The following CARD10 variants were observed in gnomAD, a reference collection of about 807,000 sequenced individuals.
The protein encoded by CARD10 is caspase recruitment domain family member 10, also known as caspase recruitment domain-containing protein 10.
Under a neutral mutation model 114.6 loss-of-function variants are expected in CARD10, and 49 were observed. The observed-to-expected ratio is 0.43, with a 90% CI of 0.34 to 0.54. The LOEUF is 0.54. Among genes scored for constraint, CARD10 ranks in the 20% least tolerant of loss-of-function variants. The pLI is 0.03. For missense variants in CARD10, 1,206 were observed against 1,397.2 expected, an observed-to-expected ratio of 0.86 and a Z score of 2.18; for synonymous variants, 602 against 593.2, an observed-to-expected ratio of 1.01 and a Z score of -0.21.
In CARD10 at chr22:37,519,349, C is replaced by G; in HGVS notation, c.-149G>C. 1.6e-6 allele frequency: 2 copies of G among 1,244,800 alleles called. No individual in the cohort carries two copies. Among genetic ancestry groups the G allele is most frequent in the Non-Finnish European group, 2.0e-6 (2 of 995,240 alleles). 77.1% of individuals were successfully genotyped at this position (1,244,800 alleles called of 1,614,324 possible). ...CGAGCTCCCCGCGACTCACCCCGCA[C>G]GCTACAGTCGCCTCGGGCTCCCGGG... On this transcript the variant is annotated 5_prime_UTR_variant, in exon 1 of 20. Transcript: ENST00000251973. The surrounding 1 kb of genome is among the most constrained non-coding windows in gnomAD (Gnocchi z 4.1).
chr22:37,502,655 C>T lies in CARD10; in HGVS notation c.1734G>A (p.Leu578=), dbSNP rs1462313356. ...SSSSSDSVWP[L]GKPEGLLARG... is the part of the protein sequence containing the mutation. Reference sequence around the variant, plus strand: ...GAGCCAGGAGGCCTTCCGGCTTTCCCAAAGGCCACACGCTGTCAGAGGATG... The same window carrying T: ...GAGCCAGGAGGCCTTCCGGCTTTCCTAAAGGCCACACGCTGTCAGAGGATG... Residue 578 remains leucine, a synonymous_variant, in exon 11 of 20, where the codon TTG becomes TTA. Transcript: ENST00000251973. 1 of 1,613,978 alleles carries T rather than the reference C, an allele frequency of 6.2e-7. No homozygotes were observed. The highest frequency in any genetic ancestry group is 1.3e-5 in the African/African-American group (1 of 75,060).
In CARD10 at chr22:37,492,623, C is replaced by G. The variant is rs766558007; in HGVS notation, c.2635+21G>C. 26 of 1,611,080 alleles carry G rather than the reference C, an allele frequency of 1.6e-5. No individual in the cohort carries two copies. Among genetic ancestry groups the G allele is most frequent in the Non-Finnish European group, 2.0e-5 (24 of 1,178,808 alleles). On this transcript the variant is annotated intron_variant, in intron 17 of 19. Transcript: ENST00000251973. The surrounding 1 kb of genome is among the most constrained non-coding windows in gnomAD (Gnocchi z 5.7). The stretch of plus-strand genomic sequence containing the variant: ...TGCCCAGAGGGGCACCCAGCCTCCC[C>G]TCCCCGGCACATAGTCTCACCCGCT...
rs762865611 is a variant in CARD10, at chr22:37,492,711, C to T, written c.2568G>A (p.Ala856=). ...CTAGCAGGTTACGGATGAGCCGGGGCGCCAGGCACTCAGGCAACAGCACCA... is the reference window on the plus strand; with the variant it reads ...CTAGCAGGTTACGGATGAGCCGGGGTGCCAGGCACTCAGGCAACAGCACCA... The part of the protein sequence containing the change: ...RPVVLLPECL[A]PRLIRNLLDL... The change falls in exon 17 of 20, where the codon GCG becomes GCA. Residue 856 remains alanine, a synonymous_variant. Coordinates refer to ENST00000251973, the MANE Select transcript of CARD10 (RefSeq NM_014550.4). This position sits in a 1 kb window ranked among gnomAD's most constrained non-coding sequence, Gnocchi z 5.7. The T allele has an allele frequency of 2.5e-5, 40 of 1,612,920 alleles. No homozygotes were observed. In the South Asian group the frequency reaches 3.3e-4, roughly 13 times the overall value.
In CARD10 at chr22:37,495,540, G is replaced by C; in HGVS notation, c.2350C>G (p.Arg784Gly). 6.2e-7 allele frequency: 1 copy of C among 1,612,792 alleles called. No homozygotes were observed. Among genetic ancestry groups the C allele is most frequent in the Non-Finnish European group, 8.5e-7 (1 of 1,179,688 alleles). The change falls in exon 15 of 20, where the codon CGG becomes GGG. Residue 784 changes from arginine to glycine, a missense_variant. Transcript: ENST00000251973. The stretch of plus-strand genomic sequence containing the variant: ...ACATTACTGCGGGGGCCTCGGTGCC[G>C]GCTGGAGGGCAGGCATTTCTCCTGA... ...EVQEKCLPSS[R>G]HRGPRSNLKK...
rs757048654 is a variant in CARD10, at chr22:37,519,125, C to A, written c.76G>T (p.Ala26Ser). 3 of 1,568,768 alleles carry A rather than the reference C, an allele frequency of 1.9e-6. No homozygotes were observed. The highest frequency in any genetic ancestry group is 2.6e-6 in the Non-Finnish European group (3 of 1,164,764). ...AGSGSEAEED[A>S]LWERIEGVRH... Reference sequence around the variant, plus strand: ...ACGCCCTCGATTCGCTCCCACAGCGCGTCCTCCTCCGCCTCAGACCCCGAG... The same window carrying A: ...ACGCCCTCGATTCGCTCCCACAGCGAGTCCTCCTCCGCCTCAGACCCCGAG... Residue 26 changes from alanine (A) to serine (S), a missense_variant, in exon 1 of 20, where the codon GCG (alanine) becomes TCG (serine). Physicochemically the swap from Ala to Ser is moderately conservative, Grantham distance 99. Around this residue, in one of 2 missense-constraint regions of CARD10, gnomAD observed 138 missense variants for 218.0 expected, o/e 0.63. Coordinates refer to ENST00000251973, the MANE Select transcript of CARD10 (RefSeq NM_014550.4). This position sits in a 1 kb window ranked among gnomAD's most constrained non-coding sequence, Gnocchi z 4.1.
chr22:37,493,215 C>T (rs553761712), intron 16 of CARD10, among the ~76,000 whole-genome samples: 3 of 152,292 alleles, frequency 2.0e-5, no homozygotes, highest in South Asian at 2.1e-4. Flanking sequence ...CCTTCAGCTG[C>T]GTCCAACCAC....
rs1569167365 is a variant in CARD10, at chr22:37,512,468, CACACA to C, written c.700-2052_700-2048del. ...GGTTAGAATGGCAGCCCCCCCTCCA[CACACA>C]CACACACACACACACACACACACAC... On this transcript the variant is annotated intron_variant, in intron 3 of 19. Coordinates refer to ENST00000251973, the MANE Select transcript of CARD10 (RefSeq NM_014550.4). Among the ~76,000 whole-genome samples, 24 of 45,358 alleles carry C rather than the reference CACACA, an allele frequency of 5.3e-4. No homozygotes were observed. In the African/African-American group the frequency reaches 7.3e-3, roughly 14 times the overall value. The allele number at this position is 45,358 out of a possible 152,430, so 29.8% of individuals were successfully genotyped here. A position where few individuals can be genotyped will look rare whatever the true frequency, so the allele number is the denominator to read the frequency against.
rs765953882 is a variant in CARD10, at chr22:37,497,143, G to C, written c.1823C>G (p.Pro608Arg). ...LAIRVSGRSP[P>R]GGPEPQDKGP... is the part of the protein sequence containing the mutation. ...CTTGTCCTGCGGCTCTGGGCCCCCT[G>C]GGGGGCTCCGGCCAGACACCCGAAT... Residue 608 changes from proline to arginine, a missense_variant, in exon 12 of 20, where the codon CCA (proline) becomes CGA (arginine). By Grantham distance (103) the Pro-to-Arg change is moderately radical. Transcript: ENST00000251973. The C allele has an allele frequency of 3.7e-6, 6 of 1,613,992 alleles. No individual in the cohort carries two copies. The highest frequency in any genetic ancestry group is 2.2e-5 in the South Asian group (2 of 91,068).
Position 37,491,295 on chromosome 22 carries a change from T to C in CARD10, c.2963A>G (p.Gln988Arg). 1 of 1,568,582 alleles carries C rather than the reference T, an allele frequency of 6.4e-7. No homozygotes were observed. The highest frequency in any genetic ancestry group is 8.6e-7 in the Non-Finnish European group (1 of 1,163,314). Residue 988 changes from glutamine to arginine, a missense_variant, in exon 20 of 20, where the codon CAG becomes CGG. Around this residue, in one of 2 missense-constraint regions of CARD10, gnomAD observed 1,068 missense variants for 1,179.1 expected, o/e 0.91. Coordinates refer to ENST00000251973, the MANE Select transcript of CARD10 (RefSeq NM_014550.4). The stretch of plus-strand genomic sequence containing the variant: ...GTGTCCCCACTCATGGGCGGGCACC[T>C]GCACCCAGGAGCAGGGCAGCCCCCA... Reference protein sequence around the residue: ...VLWGLPCSWVQVPAHEWGHAE... With the variant: ...VLWGLPCSWVRVPAHEWGHAE...
Position 37,504,312 on chromosome 22 carries a change from A to AT in CARD10, c.1519-12dup, listed in dbSNP as rs752885787. 1.5e-5 allele frequency: 23 copies of AT among 1,504,776 alleles called. No homozygotes were observed. The East Asian group carries it at 3.2e-4, about 21-fold the overall frequency. 93.2% of individuals were successfully genotyped at this position (1,504,776 alleles called of 1,614,324 possible). On this transcript the variant is annotated splice_polypyrimidine_tract_variant and intron_variant, in intron 8 of 19. Coordinates refer to ENST00000251973, the MANE Select transcript of CARD10 (RefSeq NM_014550.4). ...GTCTGTGGCTTCCTCCTGCAATGCC[A>AT]TGACAGGGCCTGGGTCACCCCCACT... is the stretch of plus-strand genomic sequence containing the variant.
At chr22:37,509,432 G>A (rs1384842811) in intron 4 of CARD10, among the ~76,000 whole-genome samples, 1 of 152,110 alleles carries the variant, frequency 6.6e-6, no homozygotes, top group African/African-American at 2.4e-5. Context: ...ACAGCCACGT[G>A]CTAAGGGCCC....
Position 37,501,270 on chromosome 22 carries a change from G to A in CARD10, c.1787+1332C>T, listed in dbSNP as rs975855086. On this transcript the variant is annotated intron_variant, in intron 11 of 19. Transcript: ENST00000251973. This position sits in a 1 kb window ranked among gnomAD's most constrained non-coding sequence, Gnocchi z 5.4. ...GTGGCCCCATGTGATCGTGGGGCCT[G>A]GGCGGGGCTGGGACGGAGGCTCCTG... 2.0e-5 allele frequency among the ~76,000 whole-genome samples: 3 copies of A among 152,124 alleles called. No individual in the cohort carries two copies. Among genetic ancestry groups the A allele is most frequent in the African/African-American group, 7.2e-5 (3 of 41,418 alleles).
Position 37,496,239 on chromosome 22 carries a change from C to T in CARD10, c.2059+210G>A, listed in dbSNP as rs1227900214. 6.6e-6 allele frequency among the ~76,000 whole-genome samples: 1 copy of T among 152,180 alleles called. No individual in the cohort carries two copies. Among genetic ancestry groups the T allele is most frequent in the Admixed American group, 6.5e-5 (1 of 15,290 alleles). ...AGGTCTCTGGACTCCTAATGTAGTG[C>T]TCCTTTCACTGTAAGCTGCTTACAG... On this transcript the variant is annotated intron_variant, in intron 13 of 19. Coordinates refer to ENST00000251973, the MANE Select transcript of CARD10 (RefSeq NM_014550.4). The surrounding 1 kb of genome is among the most constrained non-coding windows in gnomAD (Gnocchi z 4.1).
rs1922998194 is a variant in CARD10 at position 37,496,147 on chromosome 22, G to A, written c.2060-144C>T. On this transcript the variant is annotated intron_variant, in intron 13 of 19. Transcript: ENST00000251973. This position sits in a 1 kb window ranked among gnomAD's most constrained non-coding sequence, Gnocchi z 4.1. ...ACCTTCACCTTCTTAGAATGACTTA[G>A]GTCCAGAGGGGGCAGGGACTTGCCC... 1.8e-6 allele frequency: 2 copies of A among 1,083,114 alleles called. No individual in the cohort carries two copies. The highest frequency in any genetic ancestry group is 2.6e-6 in the Non-Finnish European group (2 of 770,600). The allele number at this position is 1,083,114 out of a possible 1,614,324, so 67.1% of individuals were successfully genotyped here. A position where few individuals can be genotyped will look rare whatever the true frequency, so the allele number is the denominator to read the frequency against.
intron 6 of CARD10, 121 bp from the exon 7 acceptor site, chr22:37,506,504 G>T (rs1231508063): frequency 9.5e-6 from 6 of 631,444 alleles, no homozygotes; most frequent in Non-Finnish European, 1.5e-5. Context: ...TGAGCACTGT[G>T]TGCCGGGCCC....
At chr22:37,502,488 T>TAATCTTC in intron 11 of CARD10, 114 bp downstream of exon 11, 1 of 1,252,382 alleles carries the variant, frequency 8.0e-7, no homozygotes, top group Non-Finnish European at 1.1e-6. Flanking sequence ...CTACAGATCT[T>TAATCTTC]AATCTTCCAA....
Position 37,519,324 on chromosome 22 carries a change from C to G in CARD10, c.-124G>C. The G allele has an allele frequency of 7.5e-7, 1 of 1,338,690 alleles. No homozygotes were observed. The highest frequency in any genetic ancestry group is 9.5e-7 in the Non-Finnish European group (1 of 1,048,268). 82.9% of individuals were successfully genotyped at this position (1,338,690 alleles called of 1,614,324 possible). ...CAGACCCGCCGTCGGGGGCGCGCCC[C>G]GAGCTCCCCGCGACTCACCCCGCAC... On this transcript the variant is annotated 5_prime_UTR_variant, in exon 1 of 20. Transcript: ENST00000251973. This position sits in a 1 kb window ranked among gnomAD's most constrained non-coding sequence, Gnocchi z 4.1.
intron 3 of CARD10, among the ~76,000 whole-genome samples, chr22:37,513,647 C>T (rs1347689877): frequency 1.1e-4 from 16 of 152,192 alleles, no homozygotes; most frequent in Admixed American, 6.5e-4. Context: ...GCAGCCCTCA[C>T]GCCGTCCTCT....
chr22:37,517,615 C>A (rs1923884583), intron 2 of CARD10, among the ~76,000 whole-genome samples: 1 of 151,916 alleles, frequency 6.6e-6, no homozygotes, highest in African/African-American at 2.4e-5. Context: ...GCACTCCAGC[C>A]TGGTGACAGA....
Sources: gnomAD v4.1 joint callset for allele counts (sites outside exome capture counted in the v4.1 genomes callset) on GRCh38, gnomAD v4.1.1 for gene constraint, gnomAD v4.1.1 regional missense constraint, Gnocchi (gnomAD v3.1) non-coding constraint, MANE v1.5 for transcripts, NCBI Gene and HGNC (gene_info 2026-07-23, HGNC 2026-07-21) for gene names.